The following MEI4 variants were observed in gnomAD, a reference collection of about 807,000 sequenced individuals.
MEI4 encodes the protein meiotic double-stranded break formation protein 4, also known as meiosis-specific protein MEI4.
A neutral mutation model predicts 31.4 loss-of-function variants in MEI4; 27 were observed. The observed-to-expected ratio is 0.86, with a 90% CI of 0.63 to 1.19. The LOEUF is 1.19. Ranked by LOEUF, MEI4 falls within the 50% of genes most tolerant of loss-of-function variation. The pLI, the probability that MEI4 is intolerant of heterozygous loss-of-function variation, is 0.00. For missense variants in MEI4, 329 were observed against 398.9 expected, an observed-to-expected ratio of 0.82 and a Z score of 1.49; for synonymous variants, 122 against 145.4, an observed-to-expected ratio of 0.84 and a Z score of 1.16.
intron 3 of MEI4, among the ~76,000 whole-genome samples, chr6:77,824,802 T>G (rs1769904224): frequency 6.6e-6 from 1 of 152,186 alleles, no homozygotes; most frequent in African/African-American, 2.4e-5. Context: ...ATCCAACTCT[T>G]TTGCCTAAAT....
intron 4 of MEI4, among the ~76,000 whole-genome samples, chr6:77,857,440 C>T (rs1582221260): frequency 6.6e-6 from 1 of 152,104 alleles, no homozygotes; most frequent in East Asian, 1.9e-4. Context: ...ATTCACACAG[C>T]CAATAATTTA....
intron 4 of MEI4, among the ~76,000 whole-genome samples, chr6:77,917,257 A>C (rs1766582027): frequency 6.6e-6 from 1 of 151,480 alleles, no homozygotes; most frequent in Non-Finnish European, 1.5e-5. Context: ...TTATAGCAGC[A>C]TGATTTATAG....
Position 77,706,115 on chromosome 6 carries a change from T to G in MEI4, c.232+15212T>G, listed in dbSNP as rs148488047. Among the ~76,000 whole-genome samples, 213 of 152,316 alleles carry G rather than the reference T, an allele frequency of 1.4e-3. 1 individual carries two copies. The highest frequency in any genetic ancestry group is 4.5e-3 in the African/African-American group (187 of 41,558). On this transcript the variant is annotated intron_variant, in intron 2 of 4. Coordinates refer to ENST00000684080, the MANE Select transcript of MEI4 (RefSeq NM_001322247.2). ...AGGCAGGCCATAGAAACTAGAATTA[T>G]TTTTCCCCAAGGCAGGTCATTGAAA...
intron 1 of MEI4, among the ~76,000 whole-genome samples, chr6:77,690,268 A>G (rs1378040023): frequency 6.6e-6 from 1 of 152,014 alleles, no homozygotes; most frequent in South Asian, 2.1e-4. Context: ...CTCATTTTCA[A>G]AATATAAAAG....
rs1448410223 is a variant in MEI4, at chr6:77,866,317, A to T, written c.900+37255A>T. On this transcript the variant is annotated intron_variant, in intron 4 of 4. Coordinates refer to ENST00000684080, the MANE Select transcript of MEI4 (RefSeq NM_001322247.2). ...CCCTGTTTGCAGATGACATGATTGT[A>T]TATCTAGAAAACCCCATTGTCTCAG... Among the ~76,000 whole-genome samples the T allele has an allele frequency of 2.4e-4, 37 of 152,152 alleles. 1 individual carries two copies. The highest frequency in any genetic ancestry group is 4.4e-5 in the Non-Finnish European group (3 of 68,028).
intron 4 of MEI4, among the ~76,000 whole-genome samples, chr6:77,867,306 A>G (rs1771060312): frequency 6.6e-6 from 1 of 152,204 alleles, no homozygotes; most frequent in African/African-American, 2.4e-5. Flanking sequence ...AATGGGAGAA[A>G]ATTTTTGCAA....
chr6:77,784,447 G>A (rs1343407693), intron 3 of MEI4, among the ~76,000 whole-genome samples: 1 of 152,076 alleles, frequency 6.6e-6, no homozygotes, highest in Non-Finnish European at 1.5e-5. Flanking sequence ...CAGCAACTGG[G>A]AGAGACTTTC....
chr6:77,869,242 G>C (rs1389391990), intron 4 of MEI4, among the ~76,000 whole-genome samples: 1 of 152,110 alleles, frequency 6.6e-6, no homozygotes, highest in Non-Finnish European at 1.5e-5. Flanking sequence ...TAGGGAGAGG[G>C]AATGTTATGA....
rs1300419831 is a variant in MEI4 at position 77,763,025 on chromosome 6, T to C, written c.768+1360T>C. ...ACCTTGAAGATACTGGCATTTATAGTCCATATCAGAATTACTGAATGATGC... is the reference window on the plus strand; with the variant it reads ...ACCTTGAAGATACTGGCATTTATAGCCCATATCAGAATTACTGAATGATGC... On this transcript the variant is annotated intron_variant, in intron 3 of 4. Coordinates refer to ENST00000684080, the MANE Select transcript of MEI4 (RefSeq NM_001322247.2). Among the ~76,000 whole-genome samples, 3 of 152,150 alleles carry C rather than the reference T, an allele frequency of 2.0e-5. No individual in the cohort carries two copies. In the East Asian group the frequency reaches 5.8e-4, roughly 29 times the overall value.
At chr6:77,745,654 C>A (rs1481005905) in intron 2 of MEI4, among the ~76,000 whole-genome samples, 1 of 152,174 alleles carries the variant, frequency 6.6e-6, no homozygotes, top group Non-Finnish European at 1.5e-5. Context: ...CACCCCAAAT[C>A]AACAGAATAT....
At chr6:77,777,591 C>G (rs1003792020) in intron 3 of MEI4, among the ~76,000 whole-genome samples, 1 of 152,060 alleles carries the variant, frequency 6.6e-6, no homozygotes, top group African/African-American at 2.4e-5. Context: ...AAAGAGCAGC[C>G]AAATCATCCT....
chr6:77,688,813 A>G (rs945560452), intron 1 of MEI4, among the ~76,000 whole-genome samples: 2 of 152,106 alleles, frequency 1.3e-5, no homozygotes, highest in Non-Finnish European at 2.9e-5. Flanking sequence ...CTCAAAAACC[A>G]TATGTCTGTC....
At chr6:77,735,341 T>G (rs1767157678) in intron 2 of MEI4, among the ~76,000 whole-genome samples, 1 of 151,848 alleles carries the variant, frequency 6.6e-6, no homozygotes, top group African/African-American at 2.4e-5. Context: ...TTCTTTTTAT[T>G]CTTTTTTCTC....
chr6:77,706,135 T>C (rs1766327988), intron 2 of MEI4, among the ~76,000 whole-genome samples: 1 of 152,186 alleles, frequency 6.6e-6, no homozygotes, highest in South Asian at 2.1e-4. Flanking sequence ...AGGCAGGTCA[T>C]TGAAATTAGA....
At chr6:77,778,476 G>A (rs1028188290) in intron 3 of MEI4, among the ~76,000 whole-genome samples, 6 of 152,070 alleles carry the variant, frequency 3.9e-5, no homozygotes, top group African/African-American at 1.4e-4. Context: ...CGAGGCAGGT[G>A]AATTGCCTGA....
At chr6:77,746,638 C>CGCGT (rs1554160084) in intron 2 of MEI4, among the ~76,000 whole-genome samples, 4 of 136,544 alleles carry the variant, frequency 2.9e-5, no homozygotes, top group Admixed American at 8.1e-5. Flanking sequence ...AAATATATGG[C>CGCGT]GTGTGTGTGT....
chr6:77,762,939 T>A (rs186781740), intron 3 of MEI4, among the ~76,000 whole-genome samples: 3 of 152,286 alleles, frequency 2.0e-5, no homozygotes, highest in African/African-American at 7.2e-5. Context: ...TTTTTAAACT[T>A]CTTTTTATAC....
chr6:77,744,235 A>G (rs1012918349), intron 2 of MEI4, among the ~76,000 whole-genome samples: 2 of 152,156 alleles, frequency 1.3e-5, no homozygotes, highest in African/African-American at 2.4e-5. Context: ...AATTTAGACG[A>G]ATGTATAACT....
intron 4 of MEI4, among the ~76,000 whole-genome samples, chr6:77,876,705 T>A (rs1016707432): frequency 6.6e-6 from 1 of 152,134 alleles, no homozygotes; most frequent in Admixed American, 6.5e-5. Flanking sequence ...GGTGCACCTC[T>A]CCTTATATAA....
Sources: gnomAD v4.1 joint callset for allele counts (sites outside exome capture counted in the v4.1 genomes callset) on GRCh38, gnomAD v4.1.1 for gene constraint, MANE v1.5 for transcripts, NCBI Gene and HGNC (gene_info 2026-07-23, HGNC 2026-07-21) for gene names.